Variants in TRPM4 observed in about 807,000 individuals in gnomAD.
The protein encoded by TRPM4 is transient receptor potential cation channel subfamily M member 4.
TRPM4 carries 124 observed loss-of-function variants against 135.6 expected under a neutral mutation model. That is an observed-to-expected ratio of 0.91 (90% confidence interval 0.79 to 1.06). The LOEUF is 1.06. TRPM4 is among the 50% of genes least tolerant of loss of function. The pLI is 0.00. For missense variants in TRPM4, 1,658 were observed against 1,671.4 expected (o/e 0.99, Z 0.14); for synonymous variants, 745 against 705.6 (o/e 1.06, Z -0.88).
At chr19:49,190,451 C>T (rs1968368618) in intron 15 of TRPM4, 131 bp downstream of exon 15, 1 of 909,884 alleles carries the variant, frequency 1.1e-6, no homozygotes, top group East Asian at 2.4e-5. Context: ...ACTCTCTGTC[C>T]CTCCACTAAG....
chr19:49,210,088 T>C lies in TRPM4; in HGVS notation c.3132-121T>C. ...AATCGCATCCTGTAACCTCTGACTT[T>C]AGTGATCTTGACTTCTGTCTGCTGC... On this transcript the variant is annotated intron_variant, in intron 20 of 24. Coordinates refer to ENST00000252826, the MANE Select transcript of TRPM4 (RefSeq NM_017636.4). The surrounding 1 kb of genome is among the most constrained non-coding windows in gnomAD (Gnocchi z 4.1). 3.6e-6 allele frequency: 4 copies of C among 1,097,010 alleles called. No homozygotes were observed. Among genetic ancestry groups the C allele is most frequent in the African/African-American group, 3.1e-5 (2 of 65,032 alleles). The allele number at this position is 1,097,010 out of a possible 1,614,324, so 68.0% of individuals were successfully genotyped here.
rs1249571557 is a variant in TRPM4, at chr19:49,201,987, T to C, written c.2977T>C (p.Cys993Arg). The C allele has an allele frequency of 2.5e-6, 4 of 1,613,714 alleles. No homozygotes were observed. Among genetic ancestry groups the C allele is most frequent in the Non-Finnish European group, 3.4e-6 (4 of 1,180,030 alleles). ...AGTGGCCCTCATGGAGCACAGCAAC[T>C]GCTCGTCGGAGCCCGGCTTCTGGGC... is the stretch of plus-strand genomic sequence containing the variant. ...MDVALMEHSNCSSEPGFWAHP... is the reference protein window; with the variant it reads ...MDVALMEHSNRSSEPGFWAHP... Residue 993 changes from cysteine (C) to arginine (R), a missense_variant, in exon 20 of 25, where the codon TGC becomes CGC. Cys to Arg is a radical substitution (Grantham distance 180, BLOSUM62 -3). This residue lies in a region of TRPM4 where 1,412 missense variants were observed against 1,408.7 expected (regional missense o/e 1.00). Transcript: ENST00000252826.
chr19:49,175,871 C>T (rs1412112964), intron 9 of TRPM4, among the ~76,000 whole-genome samples: 2 of 150,286 alleles, frequency 1.3e-5, no homozygotes, highest in Non-Finnish European at 3.0e-5. Flanking sequence ...TTGTGATCCA[C>T]CCGCCTCGGC....
chr19:49,210,733 G>C lies in TRPM4; in HGVS notation c.3352G>C (p.Glu1118Gln). 1 of 1,614,198 alleles carries C rather than the reference G, an allele frequency of 6.2e-7. No individual in the cohort carries two copies. Among genetic ancestry groups the C allele is most frequent in the Non-Finnish European group, 8.5e-7 (1 of 1,180,046 alleles). The change falls in exon 22 of 25, where the codon GAG (glutamate) becomes CAG (glutamine). Residue 1118 changes from glutamate to glutamine, a missense_variant. Physicochemically the swap from Glu to Gln is conservative, Grantham distance 29. Coordinates refer to ENST00000252826, the MANE Select transcript of TRPM4 (RefSeq NM_017636.4). This position sits in a 1 kb window ranked among gnomAD's most constrained non-coding sequence, Gnocchi z 4.1. ...AGGGGTTTACCTTTCTAAGGAAGCC[G>C]AGCGGAAGCTGCTAACGTGGGAATC... The part of the protein sequence containing the change: ...HFRVYLSKEA[E>Q]RKLLTWESVH...
chr19:49,202,246 C>A, intron 20 of TRPM4, 105 bp downstream of exon 20: 1 of 1,339,720 alleles, frequency 7.5e-7, no homozygotes, highest in Non-Finnish European at 1.1e-6. Flanking sequence ...TCCCTGAACT[C>A]TGATCCAATC....
intron 16 of TRPM4, among the ~76,000 whole-genome samples, chr19:49,194,187 C>T (rs1231781811): frequency 6.6e-6 from 1 of 151,652 alleles, no homozygotes; most frequent in Non-Finnish European, 1.5e-5. Context: ...TCTCCGCCTT[C>T]TCCTCATCCT....
At chr19:49,176,315 G>A (rs918734366) in intron 9 of TRPM4, among the ~76,000 whole-genome samples, 1 of 152,174 alleles carries the variant, frequency 6.6e-6, no homozygotes, top group Non-Finnish European at 1.5e-5. Flanking sequence ...GCAGCCTTGA[G>A]ATCCTGGGCT....
intron 20 of TRPM4, among the ~76,000 whole-genome samples, chr19:49,203,328 C>CCT (rs1969017067): frequency 4.0e-5 from 6 of 151,754 alleles, no homozygotes; most frequent in Non-Finnish European, 8.8e-5. Context: ...TACAGGCGTG[C>CCT]GCCACCACAC....
intron 9 of TRPM4, among the ~76,000 whole-genome samples, chr19:49,178,772 T>TTG (rs11446692): frequency 6.7e-6 from 1 of 150,098 alleles, no homozygotes; most frequent in Non-Finnish European, 1.5e-5. Context: ...TTTTTTATTT[T>TTG]TTTTGAGATG....
chr19:49,200,644 G>A lies in TRPM4; in HGVS notation c.2812G>A (p.Gly938Ser), dbSNP rs777565452. 1.9e-6 allele frequency: 3 copies of A among 1,613,840 alleles called. No individual in the cohort carries two copies. Among genetic ancestry groups the A allele is most frequent in the South Asian group, 2.2e-5 (2 of 91,062 alleles). Residue 938 changes from glycine to serine, a missense_variant, in exon 19 of 25, where the codon GGC becomes AGC. Gly to Ser is a moderately conservative substitution (Grantham distance 56). Coordinates refer to ENST00000252826, the MANE Select transcript of TRPM4 (RefSeq NM_017636.4). ...CGTGTTCTTCTTCCTCTTCTTCCTC[G>A]GCGTGTGGCTGGTAGCCTATGGCGT... ...KDVFFFLFFL[G>S]VWLVAYGVAT...
rs779823654 is a variant in TRPM4 at position 49,182,546 on chromosome 19, A to T, written c.1264-32A>T. 1.0e-5 allele frequency: 16 copies of T among 1,584,142 alleles called. No homozygotes were observed. The African/African-American group carries it at 2.0e-4, about 20-fold the overall frequency. ...ATCTCTTGTCCTTAACCTTTGAGCTAATCTCTTCCCCTATTCATCCCACCC... is the reference window on the plus strand; with the variant it reads ...ATCTCTTGTCCTTAACCTTTGAGCTTATCTCTTCCCCTATTCATCCCACCC... On this transcript the variant is annotated intron_variant, in intron 10 of 24. Transcript: ENST00000252826.
chr19:49,209,536 A>T (rs1371702892), intron 20 of TRPM4, among the ~76,000 whole-genome samples: 1 of 151,946 alleles, frequency 6.6e-6, no homozygotes, highest in Non-Finnish European at 1.5e-5. Context: ...TAGTTTGTTG[A>T]CATATAATTG....
chr19:49,172,319 G>C (rs1046677734), intron 9 of TRPM4, among the ~76,000 whole-genome samples: 1 of 152,150 alleles, frequency 6.6e-6, no homozygotes, highest in Admixed American at 6.5e-5. Context: ...TCCTCTGTTG[G>C]ATCCATCCAT....
chr19:49,181,466 G>C lies in TRPM4; in HGVS notation c.1263+5G>C, dbSNP rs774345235. On this transcript the variant is annotated splice_donor_5th_base_variant and intron_variant, in intron 10 of 24. Coordinates refer to ENST00000252826, the MANE Select transcript of TRPM4 (RefSeq NM_017636.4). Reference sequence around the variant, plus strand: ...CGGGGGGACATCCAATGGCGGGTGAGGGGTCAGGGCCTGGGGGTTGGGCAT... The same window carrying C: ...CGGGGGGACATCCAATGGCGGGTGACGGGTCAGGGCCTGGGGGTTGGGCAT... 1.2e-6 allele frequency: 2 copies of C among 1,608,822 alleles called. No homozygotes were observed. Among genetic ancestry groups the C allele is most frequent in the South Asian group, 2.2e-5 (2 of 90,960 alleles).
At chr19:49,161,754 C>T (rs1966975289) in intron 2 of TRPM4, among the ~76,000 whole-genome samples, 2 of 152,062 alleles carry the variant, frequency 1.3e-5, no homozygotes, top group African/African-American at 2.4e-5. Flanking sequence ...CTCAGCCCCC[C>T]GAGTAGCTGG....
At chr19:49,164,985 C>T (rs1043894045) in intron 2 of TRPM4, among the ~76,000 whole-genome samples, 2 of 151,910 alleles carry the variant, frequency 1.3e-5, no homozygotes, top group African/African-American at 4.8e-5. Context: ...TCAGGTGATC[C>T]TCTGGCCCCA....
intron 16 of TRPM4, among the ~76,000 whole-genome samples, chr19:49,193,997 CCT>C (rs1464352223): frequency 2.6e-5 from 4 of 151,192 alleles, no homozygotes; most frequent in African/African-American, 2.4e-5. Flanking sequence ...TTCTCCTCAT[CCT>C]CTTTCTCTTC....
chr19:49,194,441 C>T (rs1335579606), intron 16 of TRPM4, among the ~76,000 whole-genome samples: 2 of 152,042 alleles, frequency 1.3e-5, no homozygotes, highest in Admixed American at 6.6e-5. Flanking sequence ...GATGGGGTTT[C>T]GCCATGTTGC....
chr19:49,183,711 CTCTT>C (rs1462280276), intron 12 of TRPM4, among the ~76,000 whole-genome samples: 1 of 151,600 alleles, frequency 6.6e-6, no homozygotes, highest in Non-Finnish European at 1.5e-5. Flanking sequence ...CCAAGATTCT[CTCTT>C]TGTTTTGGCC....
Sources: gnomAD v4.1 joint callset for allele counts (sites outside exome capture counted in the v4.1 genomes callset) on GRCh38, gnomAD v4.1.1 for gene constraint, gnomAD v4.1.1 regional missense constraint, Gnocchi (gnomAD v3.1) non-coding constraint, MANE v1.5 for transcripts, NCBI Gene and HGNC (gene_info 2026-07-23, HGNC 2026-07-21) for gene names.